Variants in TFDP1 observed in about 807,000 individuals in gnomAD.
TFDP1 encodes DRTF1-polypeptide 1.
TFDP1 carries 6 observed loss-of-function variants against 48.0 expected under a neutral mutation model. That is an observed-to-expected ratio of 0.13 (90% confidence interval 0.07 to 0.25). The LOEUF (loss-of-function observed/expected upper bound fraction) is 0.25. Among genes scored for constraint, TFDP1 ranks in the 10% least tolerant of loss-of-function variants. The pLI is 1.00. For missense variants in TFDP1, 335 were observed against 543.0 expected, an observed-to-expected ratio of 0.62 and a Z score of 3.81; for synonymous variants, 201 against 211.6, an observed-to-expected ratio of 0.95 and a Z score of 0.44.
At chr13:113,617,798 T>G (rs2048900396) in intron 3 of TFDP1, among the ~76,000 whole-genome samples, 1 of 152,232 alleles carries the variant, frequency 6.6e-6, no homozygotes, top group Admixed American at 6.5e-5. Flanking sequence ...CGTAAAGATG[T>G]TAAAATTGTT....
At chr13:113,629,042 A>T (rs1217095512) in intron 4 of TFDP1, among the ~76,000 whole-genome samples, 4 of 152,194 alleles carry the variant, frequency 2.6e-5, no homozygotes, top group African/African-American at 9.6e-5. Context: ...CGTTCCTGGG[A>T]GGGCTGGCTC....
At chr13:113,609,229 TG>T (rs981613004) in intron 2 of TFDP1, among the ~76,000 whole-genome samples, 2 of 152,074 alleles carry the variant, frequency 1.3e-5, no homozygotes, top group African/African-American at 4.8e-5. Context: ...CCCCTGGGGG[TG>T]GTGGAGCCTT....
At chr13:113,636,851 G>A in intron 10 of TFDP1, 151 bp downstream of exon 10, 1 of 999,990 alleles carries the variant, frequency 1.0e-6, no homozygotes, top group Non-Finnish European at 1.4e-6. Flanking sequence ...CTGTGAGGGG[G>A]ATGAGGGCAG....
intron 2 of TFDP1, among the ~76,000 whole-genome samples, chr13:113,588,779 G>A (rs1311437700): frequency 1.3e-5 from 2 of 150,688 alleles, no homozygotes; most frequent in South Asian, 2.1e-4. Flanking sequence ...TAGATTGGAC[G>A]GAGAGTGAGT....
At chr13:113,619,780 C>T (rs1473069239) in intron 3 of TFDP1, among the ~76,000 whole-genome samples, 1 of 152,172 alleles carries the variant, frequency 6.6e-6, no homozygotes, top group African/African-American at 2.4e-5. Context: ...GCTGGTGACC[C>T]AGGGGTGCTG....
intron 2 of TFDP1, among the ~76,000 whole-genome samples, chr13:113,610,667 A>G (rs2048688979): frequency 6.6e-6 from 1 of 152,220 alleles, no homozygotes; most frequent in Non-Finnish European, 1.5e-5. Flanking sequence ...TACCTGTGCC[A>G]CACTTAAATA....
chr13:113,601,340 C>CGGCTGCTGGTGGGATCCCACTCCTTGTG (rs2048420622), intron 2 of TFDP1, among the ~76,000 whole-genome samples: 1 of 150,416 alleles, frequency 6.6e-6, no homozygotes, highest in African/African-American at 2.5e-5. Context: ...TTAACTCACC[C>CGGCTGCTGGTGGGATCCCACTCCTTGTG]GGCTGCTGGT....
At chr13:113,616,761 C>T (rs1464421298) in intron 3 of TFDP1, among the ~76,000 whole-genome samples, 5 of 152,156 alleles carry the variant, frequency 3.3e-5, no homozygotes, top group South Asian at 4.1e-4. Flanking sequence ...CCTTGCCCCC[C>T]GACACACGCA....
rs2048587640 is a variant in TFDP1 at position 113,607,051 on chromosome 13, G to T, written c.13-3945G>T. Among the ~76,000 whole-genome samples the T allele has an allele frequency of 6.6e-6, 1 of 152,242 alleles. No homozygotes were observed. The highest frequency in any genetic ancestry group is 1.9e-4 in the East Asian group (1 of 5,192). On this transcript the variant is annotated intron_variant, in intron 2 of 11. Coordinates refer to ENST00000375370, the MANE Select transcript of TFDP1 (RefSeq NM_007111.5). The surrounding 1 kb of genome is among the most constrained non-coding windows in gnomAD (Gnocchi z 5.2). ...CAGAAGTCATGCCTCTGAGTCCGTG[G>T]TTCTTAGCTGAGGGTGGCTTTGCAG...
At chr13:113,619,450 G>A (rs1256246478) in intron 3 of TFDP1, among the ~76,000 whole-genome samples, 1 of 136,780 alleles carries the variant, frequency 7.3e-6, no homozygotes, top group African/African-American at 2.7e-5. Context: ...CAGCCTGGGC[G>A]ACACAGTGAG....
rs1040971110 is a variant in TFDP1 at position 113,627,947 on chromosome 13, G to C, written c.187-3676G>C. ...CAGCCAGTGAGGAGGGGAGCTCCTG[G>C]GGGAGGAGGGTTGGTCTCGGGCAAG... On this transcript the variant is annotated intron_variant, in intron 4 of 11. Transcript: ENST00000375370. The surrounding 1 kb of genome is among the most constrained non-coding windows in gnomAD (Gnocchi z 4.1). 1.3e-5 allele frequency among the ~76,000 whole-genome samples: 2 copies of C among 152,208 alleles called. No homozygotes were observed. Among genetic ancestry groups the C allele is most frequent in the Admixed American group, 6.5e-5 (1 of 15,278 alleles).
chr13:113,602,050 G>A (rs2048444479), intron 2 of TFDP1, among the ~76,000 whole-genome samples: 1 of 151,922 alleles, frequency 6.6e-6, no homozygotes, highest in Admixed American at 6.6e-5. Flanking sequence ...TCAGGGAGGA[G>A]TGGATGGAGT....
intron 3 of TFDP1, among the ~76,000 whole-genome samples, chr13:113,612,928 C>T (rs1037849935): frequency 3.3e-5 from 5 of 152,340 alleles, no homozygotes; most frequent in Non-Finnish European, 4.4e-5. Flanking sequence ...AGCCTTGGGA[C>T]GGTCAGTTCT....
At chr13:113,615,423 C>T (rs181514317) in intron 3 of TFDP1, among the ~76,000 whole-genome samples, 23 of 152,308 alleles carry the variant, frequency 1.5e-4, no homozygotes, top group African/African-American at 5.5e-4. Context: ...GACCTGGCCC[C>T]ATGGCTGCCT....
At position 113,640,241 on chromosome 13, in the gene TFDP1, T is replaced by A; in HGVS notation, c.1207T>A (p.Phe403Ile). ...GGAGGACGACGAGGAGGACGATGAC[T>A]TCAACGAGAATGACGAGGACGACTG... ...VGEDDEEDDD[F>I]NENDEDD Residue 403 changes from phenylalanine (F) to isoleucine (I), a missense_variant, in exon 12 of 12, where the codon TTC becomes ATC. Phe to Ile is a conservative substitution (Grantham distance 21, BLOSUM62 0). Around this residue, in one of 3 missense-constraint regions of TFDP1, gnomAD observed 204 missense variants for 287.1 expected, o/e 0.71. Coordinates refer to ENST00000375370, the MANE Select transcript of TFDP1 (RefSeq NM_007111.5). 1 of 1,613,344 alleles carries A rather than the reference T, an allele frequency of 6.2e-7. No homozygotes were observed. Among genetic ancestry groups the A allele is most frequent in the South Asian group, 1.1e-5 (1 of 90,910 alleles).
At chr13:113,590,293 ACTG>A in intron 2 of TFDP1, among the ~76,000 whole-genome samples, 1 of 152,280 alleles carries the variant, frequency 6.6e-6, no homozygotes, top group Non-Finnish European at 1.5e-5. Context: ...GACCAAGAGA[ACTG>A]TGTGCGTCCC....
intron 2 of TFDP1, among the ~76,000 whole-genome samples, chr13:113,609,535 G>A (rs2048654982): frequency 6.6e-6 from 1 of 152,232 alleles, no homozygotes; most frequent in Admixed American, 6.5e-5. Flanking sequence ...GTGGAGTTGT[G>A]AAGATGCCCA....
chr13:113,636,132 G>A lies in TFDP1; in HGVS notation c.839+4G>A, dbSNP rs748634072. 3 of 1,614,044 alleles carry A rather than the reference G, an allele frequency of 1.9e-6. No individual in the cohort carries two copies. The highest frequency in any genetic ancestry group is 4.5e-5 in the East Asian group (2 of 44,890). On this transcript the variant is annotated splice_donor_region_variant and intron_variant, in intron 9 of 11. Transcript: ENST00000375370. The stretch of plus-strand genomic sequence containing the variant: ...ACTGCAGCATCTCCAATGACAAGTA[G>A]GTTGTGGGCGGGGAGCTGTTCCCTG...
At chr13:113,612,422 C>T (rs1259836988) in intron 3 of TFDP1, among the ~76,000 whole-genome samples, 2 of 152,208 alleles carry the variant, frequency 1.3e-5, no homozygotes, top group Admixed American at 6.5e-5. Flanking sequence ...GAATAGGGAC[C>T]AAATCTACGC....
Sources: gnomAD v4.1 joint callset for allele counts (sites outside exome capture counted in the v4.1 genomes callset) on GRCh38, gnomAD v4.1.1 for gene constraint, gnomAD v4.1.1 regional missense constraint, Gnocchi (gnomAD v3.1) non-coding constraint, MANE v1.5 for transcripts, NCBI Gene and HGNC (gene_info 2026-07-23, HGNC 2026-07-21) for gene names.